The following FBXO24 variants were observed in gnomAD, a reference collection of about 807,000 sequenced individuals.
FBXO24 encodes F-box protein 24.
Under a neutral mutation model 63.5 loss-of-function variants are expected in FBXO24, and 30 were observed. The observed-to-expected ratio is 0.47, with a 90% CI of 0.35 to 0.64. The LOEUF is 0.64. FBXO24 is among the 30% of genes least tolerant of loss of function. The probability of loss-of-function intolerance (pLI) is 0.00; values close to 1 mark genes in which losing one functional copy is unlikely to be tolerated. For synonymous variants in FBXO24, 300 were observed against 305.0 expected, an observed-to-expected ratio of 0.98 and a Z score of 0.17; for missense variants, 624 against 763.4, an observed-to-expected ratio of 0.82 and a Z score of 2.15.
At position 100,600,405 on chromosome 7, in the gene FBXO24, C is replaced by T; in HGVS notation, c.1378-129C>T. The T allele has an allele frequency of 6.7e-7, 1 of 1,490,658 alleles. No individual in the cohort carries two copies. Among genetic ancestry groups the T allele is most frequent in the Non-Finnish European group, 9.0e-7 (1 of 1,112,270 alleles). The allele number at this position is 1,490,658 out of a possible 1,614,324, so 92.3% of individuals were successfully genotyped here. ...CTGGCCTTGCCCAACCTCACACACC[C>T]CTGGGACTTAGCCGGCTCAGGGCTG... On this transcript the variant is annotated intron_variant, in intron 9 of 9. Coordinates refer to ENST00000241071, the MANE Select transcript of FBXO24 (RefSeq NM_033506.3). This position sits in a 1 kb window ranked among gnomAD's most constrained non-coding sequence, Gnocchi z 6.3.
intron 1 of FBXO24, among the ~76,000 whole-genome samples, chr7:100,589,179 G>C (rs1801882653): frequency 6.6e-6 from 1 of 152,092 alleles, no homozygotes; most frequent in Non-Finnish European, 1.5e-5. Flanking sequence ...AGAGTTTGCT[G>C]AATCATTTGT....
chr7:100,595,236 A>C lies in FBXO24; in HGVS notation c.1074+13A>C. On this transcript the variant is annotated intron_variant, in intron 7 of 9. Coordinates refer to ENST00000241071, the MANE Select transcript of FBXO24 (RefSeq NM_033506.3). The stretch of plus-strand genomic sequence containing the variant: ...ACTGCCTGCCAAGGTAGGCTCCTGG[A>C]GGGACGGGGCAAACCAGAGGGGTGG... 4.3e-6 allele frequency: 7 copies of C among 1,614,036 alleles called. No individual in the cohort carries two copies. Among genetic ancestry groups the C allele is most frequent in the Non-Finnish European group, 5.9e-6 (7 of 1,179,988 alleles).
At chr7:100,595,453 C>G in intron 7 of FBXO24, 122 bp from the exon 8 acceptor site, 1 of 1,327,372 alleles carries the variant, frequency 7.5e-7, no homozygotes, top group South Asian at 1.5e-5. Context: ...GATCCCATCT[C>G]TAAAATATAT....
Position 100,594,598 on chromosome 7 carries a change from T to G in FBXO24, c.952+57T>G. On this transcript the variant is annotated intron_variant, in intron 6 of 9. Transcript: ENST00000241071. This position sits in a 1 kb window ranked among gnomAD's most constrained non-coding sequence, Gnocchi z 4.2. Reference sequence around the variant, plus strand: ...CAGCCTTGGTTAGACCCTCTAAACATCAACACCCTTCACCCTTACTCCAGC... The same window carrying G: ...CAGCCTTGGTTAGACCCTCTAAACAGCAACACCCTTCACCCTTACTCCAGC... 1 of 1,445,452 alleles carries G rather than the reference T, an allele frequency of 6.9e-7. No individual in the cohort carries two copies. The highest frequency in any genetic ancestry group is 2.5e-4 in the Middle Eastern group (1 of 4,022). 89.5% of individuals were successfully genotyped at this position (1,445,452 alleles called of 1,614,324 possible).
At position 100,595,545 on chromosome 7, in the gene FBXO24, T is replaced by A. The variant is rs139482971; in HGVS notation, c.1075-30T>A. 216 of 1,547,292 alleles carry A rather than the reference T, an allele frequency of 1.4e-4. No homozygotes were observed. In the South Asian group the frequency reaches 1.9e-3, roughly 14 times the overall value. On this transcript the variant is annotated intron_variant, in intron 7 of 9. Transcript: ENST00000241071. ...CAGAGTTCCTCTGGAGGGAATGGAA[T>A]CCCTATCCCCTTTCTATCTTGCACG...
chr7:100,589,429 G>A, intron 1 of FBXO24: 1 of 1,226,606 alleles, frequency 8.2e-7, no homozygotes, highest in Non-Finnish European at 1.0e-6. Flanking sequence ...TATTTCTCCA[G>A]TAAAATGCAT....
In FBXO24 at chr7:100,592,814, A is replaced by G. The variant is rs1224979070; in HGVS notation, c.590A>G (p.Tyr197Cys). The G allele has an allele frequency of 6.2e-7, 1 of 1,613,940 alleles. No homozygotes were observed. Among genetic ancestry groups the G allele is most frequent in the East Asian group, 2.2e-5 (1 of 44,886 alleles). ...TCGGACCCAAGGTGTGACACAGTTT[A>G]CCGTAAATACCTCTACGTCTTGGCC... ...FASDPRCDTV[Y>C]RKYLYVLATR... Residue 197 changes from tyrosine (Y) to cysteine (C), a missense_variant, in exon 5 of 10, where the codon TAC becomes TGC. Tyr to Cys is a radical substitution (Grantham distance 194, BLOSUM62 -2). Transcript: ENST00000241071.
In FBXO24 at chr7:100,594,475, C is replaced by T; in HGVS notation, c.886C>T (p.His296Tyr). Reference protein sequence around the residue: ...TVQLALRKVSHYLPHLRVACM... With the variant: ...TVQLALRKVSYYLPHLRVACM... ...TCAGCTGGCCCTGAGGAAGGTGTCC[C>T]ACTACCTGCCTCACCTGCGCGTGGC... The change falls in exon 6 of 10, where the codon CAC (histidine) becomes TAC (tyrosine). Residue 296 changes from histidine (H) to tyrosine (Y), a missense_variant. Physicochemically the swap from His to Tyr is moderately conservative, Grantham distance 83 (BLOSUM62 2). This residue lies in a region of FBXO24 where 391 missense variants were observed against 469.1 expected (regional missense o/e 0.83). Transcript: ENST00000241071. The surrounding 1 kb of genome is among the most constrained non-coding windows in gnomAD (Gnocchi z 4.2). The T allele has an allele frequency of 6.2e-7, 1 of 1,613,624 alleles. No individual in the cohort carries two copies.
intron 3 of FBXO24, among the ~76,000 whole-genome samples, chr7:100,590,769 A>G (rs1019432097): frequency 1.3e-5 from 2 of 152,184 alleles, no homozygotes; most frequent in African/African-American, 4.8e-5. Context: ...CACCCACCAG[A>G]TGGCCAGCAG....
chr7:100,591,927 G>A, intron 4 of FBXO24, 25 bp downstream of exon 4: 1 of 1,609,622 alleles, frequency 6.2e-7, no homozygotes, highest in Non-Finnish European at 8.5e-7. Context: ...CCTGGCAGCT[G>A]AGAGCCCACC....
rs1802212813 is a variant in FBXO24, at chr7:100,594,635, C to T, written c.952+94C>T. 1 of 1,300,596 alleles carries T rather than the reference C, an allele frequency of 7.7e-7. No individual in the cohort carries two copies. Among genetic ancestry groups the T allele is most frequent in the South Asian group, 1.7e-5 (1 of 57,866 alleles). 80.6% of individuals were successfully genotyped at this position (1,300,596 alleles called of 1,614,324 possible). On this transcript the variant is annotated intron_variant, in intron 6 of 9. Coordinates refer to ENST00000241071, the MANE Select transcript of FBXO24 (RefSeq NM_033506.3). This position sits in a 1 kb window ranked among gnomAD's most constrained non-coding sequence, Gnocchi z 4.2. ...ACCCTTACTCCAGCTGCATGGTGAA[C>T]CCCTGAGGGCATCCTAGTGAAAAGA... is the stretch of plus-strand genomic sequence containing the variant.
rs930978218 is a variant in FBXO24 at position 100,591,031 on chromosome 7, A to ATTTTTT, written c.323-617_323-612dup. Among the ~76,000 whole-genome samples, 212 of 86,660 alleles carry ATTTTTT rather than the reference A, an allele frequency of 2.4e-3. 1 individual carries two copies. Among genetic ancestry groups the ATTTTTT allele is most frequent in the Middle Eastern group, 8.1e-3 (1 of 124 alleles). The allele number at this position is 86,660 out of a possible 152,430, so 56.9% of individuals were successfully genotyped here. A position where few individuals can be genotyped will look rare whatever the true frequency, so the allele number is the denominator to read the frequency against. On this transcript the variant is annotated intron_variant, in intron 3 of 9. Coordinates refer to ENST00000241071, the MANE Select transcript of FBXO24 (RefSeq NM_033506.3). ...CTTCTCTTTTCTTTCTTTTTCTTTG[A>ATTTTTT]TTTTTTTTTTTTTTTTTTTTTTTTG...
chr7:100,590,420 C>T (rs1484049186), intron 3 of FBXO24, 63 bp downstream of exon 3: 3 of 1,521,402 alleles, frequency 2.0e-6, no homozygotes, highest in Non-Finnish European at 2.7e-6. Flanking sequence ...TTCCTGCTCT[C>T]TAAAGTCCCC....
rs1404065088 is a variant in FBXO24, at chr7:100,594,613, C to A, written c.952+72C>A. ...CCTCTAAACATCAACACCCTTCACC[C>A]TTACTCCAGCTGCATGGTGAACCCC... On this transcript the variant is annotated intron_variant, in intron 6 of 9. Coordinates refer to ENST00000241071, the MANE Select transcript of FBXO24 (RefSeq NM_033506.3). The surrounding 1 kb of genome is among the most constrained non-coding windows in gnomAD (Gnocchi z 4.2). 1 of 1,401,872 alleles carries A rather than the reference C, an allele frequency of 7.1e-7. No homozygotes were observed. Among genetic ancestry groups the A allele is most frequent in the Non-Finnish European group, 9.3e-7 (1 of 1,070,304 alleles). The allele number at this position is 1,401,872 out of a possible 1,614,324, so 86.8% of individuals were successfully genotyped here. A position where few individuals can be genotyped will look rare whatever the true frequency, so the allele number is the denominator to read the frequency against.
Position 100,595,710 on chromosome 7 carries a change from A to G in FBXO24, c.1206+4A>G. 6.3e-7 allele frequency: 1 copy of G among 1,590,294 alleles called. No homozygotes were observed. On this transcript the variant is annotated splice_donor_region_variant and intron_variant, in intron 8 of 9. Coordinates refer to ENST00000241071, the MANE Select transcript of FBXO24 (RefSeq NM_033506.3). ...GGACCGAGGGGAACCCACACAGGTG[A>G]GACTATTTCCCAGCAACTCTCATCC...
intron 4 of FBXO24, 22 bp from the exon 5 acceptor site, chr7:100,592,761 A>G: frequency 3.8e-6 from 6 of 1,598,722 alleles, no homozygotes; most frequent in Non-Finnish European, 5.1e-6. Context: ...TAGATCCCAG[A>G]CGCCCTCATC....
chr7:100,586,747 C>T (rs936044488), intron 1 of FBXO24, 83 bp downstream of exon 1: 3 of 1,486,110 alleles, frequency 2.0e-6, no homozygotes, highest in Admixed American at 3.4e-5. Flanking sequence ...GCTGCAGTGG[C>T]GAGTGCGAGC....
intron 8 of FBXO24, among the ~76,000 whole-genome samples, chr7:100,597,340 T>G (rs1476283529): frequency 6.6e-6 from 1 of 152,170 alleles, no homozygotes; most frequent in African/African-American, 2.4e-5. Flanking sequence ...CATGCCATAT[T>G]TTTAGGTGAA....
intron 1 of FBXO24, among the ~76,000 whole-genome samples, chr7:100,588,650 T>C (rs1428240120): frequency 6.6e-6 from 1 of 151,510 alleles, no homozygotes. Flanking sequence ...GACACAACCC[T>C]GACCCCTGCT....
Sources: allele counts gnomAD v4.1 joint callset (sites outside exome capture counted in the v4.1 genomes callset), GRCh38; gene constraint gnomAD v4.1.1; regional missense constraint gnomAD v4.1.1; non-coding constraint Gnocchi (gnomAD v3.1); transcripts MANE v1.5; gene names NCBI Gene and HGNC (gene_info 2026-07-23, HGNC 2026-07-21).